Variants in ACTR3C observed in about 807,000 individuals in gnomAD.
The protein encoded by ACTR3C is actin related protein 3C.
A neutral mutation model predicts 26.3 loss-of-function variants in ACTR3C; 18 were observed. That is an observed-to-expected ratio of 0.68 (90% confidence interval 0.47 to 1.01). The LOEUF is 1.01. Among genes scored for constraint, ACTR3C ranks in the 50% least tolerant of loss-of-function variants. The probability of loss-of-function intolerance (pLI) is 0.00; values close to 1 mark genes in which losing one functional copy is unlikely to be tolerated. For synonymous variants in ACTR3C, 55 were observed against 94.5 expected (o/e 0.58, Z 2.42); for missense variants, 184 against 250.7 (o/e 0.73, Z 1.80).
At chr7:149,882,382 C>T in the ACTR3C span, among the ~76,000 whole-genome samples, 2 of 152,212 alleles carry the variant, frequency 1.3e-5, no homozygotes, top group Non-Finnish European at 2.9e-5. Context: ...GGGTGGCATC[C>T]TCTGGGCCTG....
At chr7:150,095,332 C>A in the ACTR3C span, among the ~76,000 whole-genome samples, 2 of 150,312 alleles carry the variant, frequency 1.3e-5, no homozygotes, top group African/African-American at 2.5e-5. Context: ...AAGTTCAGCC[C>A]CCGGCCCCTG....
At chr7:150,114,161 C>A in the ACTR3C span, among the ~76,000 whole-genome samples, 1 of 152,150 alleles carries the variant, frequency 6.6e-6, no homozygotes, top group Non-Finnish European at 1.5e-5. Flanking sequence ...ACCAACGATT[C>A]CTGCTAAAAC....
At chr7:150,039,300 T>G in the ACTR3C span, among the ~76,000 whole-genome samples, 1 of 146,510 alleles carries the variant, frequency 6.8e-6, no homozygotes, top group Non-Finnish European at 1.5e-5. Context: ...GCGATGGGGG[T>G]ACCAACAGCC....
At chr7:150,041,673 G>A in the ACTR3C span, among the ~76,000 whole-genome samples, 8 of 141,598 alleles carry the variant, frequency 5.6e-5, no homozygotes, top group Admixed American at 2.8e-4. Flanking sequence ...ACAGCCGGGG[G>A]TGGAAGAGGG....
intron 3 of ACTR3C, among the ~76,000 whole-genome samples, chr7:150,290,592 G>T (rs1020552914): frequency 1.3e-5 from 2 of 152,170 alleles, no homozygotes; most frequent in African/African-American, 2.4e-5. Flanking sequence ...TTTTACAGAT[G>T]TATTCATTCT....
chr7:150,312,976 C>A (rs1796457792), intron 1 of ACTR3C, among the ~76,000 whole-genome samples: 1 of 152,198 alleles, frequency 6.6e-6, no homozygotes, highest in Non-Finnish European at 1.5e-5. Flanking sequence ...AACCTTATGA[C>A]ATTCCACCAT....
At chr7:150,053,919 A>G in the ACTR3C span, among the ~76,000 whole-genome samples, 1 of 152,248 alleles carries the variant, frequency 6.6e-6, no homozygotes, top group Non-Finnish European at 1.5e-5. Context: ...CACCCCCGAA[A>G]GAGAAGGCTT....
chr7:150,193,409 T>C, the ACTR3C span, among the ~76,000 whole-genome samples: 1 of 106,412 alleles, frequency 9.4e-6, no homozygotes, highest in Non-Finnish European at 1.8e-5. Context: ...TTTTATTTTC[T>C]TTTTTTTTTT....
intron 6 of ACTR3C, among the ~76,000 whole-genome samples, chr7:150,258,431 C>A (rs1450217870): frequency 6.6e-6 from 1 of 151,120 alleles, no homozygotes; most frequent in Admixed American, 6.6e-5. Context: ...AAAGATCCAT[C>A]ATAGCCCAGC....
chr7:149,881,393 A>G, the ACTR3C span: 3,854 of 153,002 alleles, frequency 0.025, 160 homozygotes, highest in African/African-American at 0.087. Context: ...CCCTGGTGGA[A>G]GTGGTGAGGA....
At chr7:150,186,877 TA>T in the ACTR3C span, among the ~76,000 whole-genome samples, 10 of 151,968 alleles carry the variant, frequency 6.6e-5, no homozygotes, top group East Asian at 1.9e-3. Context: ...AGAGGCTATT[TA>T]AAAACAAAAA....
the ACTR3C span, among the ~76,000 whole-genome samples, chr7:150,039,829 G>A: frequency 1.1e-5 from 1 of 92,972 alleles, no homozygotes; most frequent in Non-Finnish European, 2.3e-5. Flanking sequence ...GGGTGCCTCC[G>A]CCCCCAGCGA....
the ACTR3C span, among the ~76,000 whole-genome samples, chr7:150,053,328 C>A: frequency 2.0e-5 from 3 of 151,940 alleles, no homozygotes; most frequent in African/African-American, 7.2e-5. Flanking sequence ...TCAAACCACA[C>A]ACTTCTTAGG....
chr7:149,887,220 C>T, the ACTR3C span, among the ~76,000 whole-genome samples: 1 of 152,154 alleles, frequency 6.6e-6, no homozygotes, highest in Non-Finnish European at 1.5e-5. Flanking sequence ...TTAAAATTTA[C>T]ATTTTCTTCA....
the ACTR3C span, among the ~76,000 whole-genome samples, chr7:150,225,952 A>G: frequency 6.6e-6 from 1 of 152,240 alleles, no homozygotes; most frequent in Non-Finnish European, 1.5e-5. Context: ...ATACAGTATC[A>G]GTCTTTTCAG....
the ACTR3C span, among the ~76,000 whole-genome samples, chr7:150,155,914 G>C: frequency 3.3e-5 from 5 of 151,558 alleles, no homozygotes; most frequent in African/African-American, 7.3e-5. Flanking sequence ...CATTTAATGG[G>C]CCATATTCCA....
At chr7:150,005,941 A>G in the ACTR3C span, among the ~76,000 whole-genome samples, 167 of 152,298 alleles carry the variant, frequency 1.1e-3, no homozygotes, top group African/African-American at 3.8e-3. Flanking sequence ...ATGAGAAGCT[A>G]TAAGTCTGCT....
the ACTR3C span, among the ~76,000 whole-genome samples, chr7:150,038,103 G>C: frequency 1.4e-5 from 2 of 142,170 alleles, no homozygotes; most frequent in South Asian, 2.2e-4. Context: ...CCTGTGATGG[G>C]AGTCCCAAGA....
At chr7:150,008,207 A>G in the ACTR3C span, among the ~76,000 whole-genome samples, 9 of 152,174 alleles carry the variant, frequency 5.9e-5, no homozygotes, top group Admixed American at 2.0e-4. Context: ...CAGAAATCCA[A>G]TTCTGCTTCT....
Sources: allele counts gnomAD v4.1 joint callset (sites outside exome capture counted in the v4.1 genomes callset), GRCh38; gene constraint gnomAD v4.1.1; transcripts MANE v1.5; gene names NCBI Gene and HGNC (gene_info 2026-07-23, HGNC 2026-07-21).